The following EFNA5 variants were observed in gnomAD, a reference collection of about 807,000 sequenced individuals.
EFNA5 encodes the protein ephrin-A5.
A neutral mutation model predicts 22.9 loss-of-function variants in EFNA5; 5 were observed. The observed-to-expected ratio is 0.22, with a 90% CI of 0.11 to 0.46. The LOEUF is 0.46. Ranked by LOEUF, EFNA5 falls within the 20% of genes least tolerant of loss-of-function variation. EFNA5 has a pLI of 0.99. For missense variants in EFNA5, 237 were observed against 293.3 expected, an observed-to-expected ratio of 0.81 and a Z score of 1.40; for synonymous variants, 113 against 112.2, an observed-to-expected ratio of 1.01 and a Z score of -0.04.
At chr5:107,498,596 A>C (rs971158593) in intron 1 of EFNA5, among the ~76,000 whole-genome samples, 1 of 152,236 alleles carries the variant, frequency 6.6e-6, no homozygotes, top group African/African-American at 2.4e-5. Flanking sequence ...GCCTCGGCTC[A>C]TGAAGATGCT....
At chr5:107,586,464 C>T (rs1228662993) in intron 1 of EFNA5, among the ~76,000 whole-genome samples, 1 of 152,186 alleles carries the variant, frequency 6.6e-6, no homozygotes, top group Admixed American at 6.5e-5. Flanking sequence ...GAACTATGAA[C>T]AGAGGGTAAA....
At chr5:107,430,187 T>G (rs992210840) in intron 1 of EFNA5, among the ~76,000 whole-genome samples, 23 of 152,190 alleles carry the variant, frequency 1.5e-4, no homozygotes, top group Non-Finnish European at 3.2e-4. Context: ...TTAAAAGATT[T>G]TTGAACATCA....
At chr5:107,390,330 A>G (rs975867491) in intron 2 of EFNA5, among the ~76,000 whole-genome samples, 3 of 152,198 alleles carry the variant, frequency 2.0e-5, no homozygotes, top group African/African-American at 7.2e-5. Flanking sequence ...ATGCCTTTAT[A>G]CCAACTAAAA....
At chr5:107,601,495 T>C (rs919173831) in intron 1 of EFNA5, among the ~76,000 whole-genome samples, 1 of 152,084 alleles carries the variant, frequency 6.6e-6, no homozygotes, top group African/African-American at 2.4e-5. Flanking sequence ...TCAAAGGAGG[T>C]TAGGAAATCT....
intron 1 of EFNA5, among the ~76,000 whole-genome samples, chr5:107,476,321 G>A (rs1228194387): frequency 2.0e-5 from 3 of 151,598 alleles, no homozygotes; most frequent in Non-Finnish European, 4.4e-5. Flanking sequence ...CCAAAGTGCT[G>A]GGATTACAGG....
intron 1 of EFNA5, among the ~76,000 whole-genome samples, chr5:107,483,391 A>C (rs1750538976): frequency 6.6e-6 from 1 of 152,160 alleles, no homozygotes; most frequent in Non-Finnish European, 1.5e-5. Context: ...TGAACTCTGC[A>C]CATCTTCCCG....
In EFNA5 at chr5:107,670,530, G is replaced by C; in HGVS notation, c.84C>G (p.Val28=). Residue 28 remains valine, a synonymous_variant, in exon 1 of 5, where the codon GTC becomes GTG. Transcript: ENST00000333274. ...TCCAGTAGACAGCGTAGCGGTCGGC[G>C]ACGGCCTTGGAGCCCGGGTCCTGGC... ...VFSQDPGSKA[V]ADRYAVYWNS... is the part of the protein sequence containing the mutation. 1 of 1,585,604 alleles carries C rather than the reference G, an allele frequency of 6.3e-7. No individual in the cohort carries two copies. Among genetic ancestry groups the C allele is most frequent in the Non-Finnish European group, 8.6e-7 (1 of 1,165,372 alleles).
intron 1 of EFNA5, among the ~76,000 whole-genome samples, chr5:107,477,239 T>A (rs545431764): frequency 6.6e-6 from 1 of 152,258 alleles, no homozygotes; most frequent in African/African-American, 2.4e-5. Flanking sequence ...AGATAAGAGA[T>A]ACTAATCATA....
intron 1 of EFNA5, among the ~76,000 whole-genome samples, chr5:107,607,574 T>C (rs1268337666): frequency 2.0e-5 from 3 of 152,184 alleles, no homozygotes; most frequent in Admixed American, 6.5e-5. Context: ...TTTGCTACTG[T>C]TTAAATCAAT....
At chr5:107,435,463 C>G (rs929406723) in intron 1 of EFNA5, among the ~76,000 whole-genome samples, 2 of 152,072 alleles carry the variant, frequency 1.3e-5, no homozygotes, top group Non-Finnish European at 2.9e-5. Context: ...TCTTCTCTCT[C>G]ATGGACTGAA....
chr5:107,385,543 C>T (rs1747591962), intron 4 of EFNA5, among the ~76,000 whole-genome samples: 1 of 152,148 alleles, frequency 6.6e-6, no homozygotes, highest in Admixed American at 6.5e-5. Flanking sequence ...TATGAACATA[C>T]CTCTAATAAT....
intron 2 of EFNA5, among the ~76,000 whole-genome samples, chr5:107,389,382 T>G (rs139167228): frequency 6.6e-6 from 1 of 152,192 alleles, no homozygotes; most frequent in African/African-American, 2.4e-5. Flanking sequence ...TCCAATTCAT[T>G]AGGAAAACCA....
Position 107,387,690 on chromosome 5 carries a change from A to G in EFNA5, c.484+16T>C. 6.3e-7 allele frequency: 1 copy of G among 1,599,150 alleles called. No homozygotes were observed. The highest frequency in any genetic ancestry group is 1.3e-5 in the African/African-American group (1 of 74,506). ...GCGGTGAAGCCACCCTCTGAAGCTC[A>G]TTCTAGTGAACTTACTTGTTGGTCT... On this transcript the variant is annotated intron_variant, in intron 3 of 4. Coordinates refer to ENST00000333274, the MANE Select transcript of EFNA5 (RefSeq NM_001962.3).
At chr5:107,569,379 A>T (rs1243077086) in intron 1 of EFNA5, among the ~76,000 whole-genome samples, 4 of 145,658 alleles carry the variant, frequency 2.7e-5, no homozygotes, top group African/African-American at 1.0e-4. Flanking sequence ...ATATATATAT[A>T]TATTTTTATG....
Position 107,562,013 on chromosome 5 carries a change from C to T in EFNA5, c.125+108476G>A, listed in dbSNP as rs114708549. Among the ~76,000 whole-genome samples, 706 of 152,314 alleles carry T rather than the reference C, an allele frequency of 4.6e-3. 11 individuals carry two copies. The highest frequency in any genetic ancestry group is 0.016 in the African/African-American group (653 of 41,570). On this transcript the variant is annotated intron_variant, in intron 1 of 4. Transcript: ENST00000333274. The stretch of plus-strand genomic sequence containing the variant: ...CTGGGGGATGGGACGCACCCTGCCA[C>T]CCTTGGCAGTTGAGGTCAGGCTGAC...
At chr5:107,567,479 C>T (rs983117464) in intron 1 of EFNA5, among the ~76,000 whole-genome samples, 4 of 152,038 alleles carry the variant, frequency 2.6e-5, no homozygotes, top group African/African-American at 9.7e-5. Flanking sequence ...CTCTGGGGCC[C>T]GAAAAAGTCA....
chr5:107,430,003 C>A (rs1356768833), intron 1 of EFNA5, among the ~76,000 whole-genome samples: 2 of 152,140 alleles, frequency 1.3e-5, no homozygotes, highest in Non-Finnish European at 2.9e-5. Context: ...GAAATAAGGA[C>A]AAATTCTCAG....
intron 1 of EFNA5, among the ~76,000 whole-genome samples, chr5:107,490,737 T>A (rs1331127039): frequency 3.3e-5 from 5 of 152,218 alleles, no homozygotes; most frequent in Non-Finnish European, 7.3e-5. Context: ...GCATGTGCAC[T>A]GTCATGACCA....
chr5:107,599,956 C>G (rs527623349), intron 1 of EFNA5, among the ~76,000 whole-genome samples: 75 of 152,348 alleles, frequency 4.9e-4, no homozygotes, highest in Non-Finnish European at 9.6e-4. Flanking sequence ...CTTCAGGACT[C>G]TCCTCAATCT....
Sources: gnomAD v4.1 joint callset for allele counts (sites outside exome capture counted in the v4.1 genomes callset) on GRCh38, gnomAD v4.1.1 for gene constraint, MANE v1.5 for transcripts, NCBI Gene and HGNC (gene_info 2026-07-23, HGNC 2026-07-21) for gene names.